The following PIAS2 variants were observed in gnomAD, a reference collection of about 807,000 sequenced individuals.
PIAS2 encodes protein inhibitor of activated STAT 2.
Under a neutral mutation model 69.7 loss-of-function variants are expected in PIAS2, and 19 were observed. That is an observed-to-expected ratio of 0.27 (90% CI 0.19 to 0.40). The LOEUF is 0.40. Among genes scored for constraint, PIAS2 ranks in the 10% least tolerant of loss-of-function variants. PIAS2 has a pLI of 1.00. For synonymous variants in PIAS2, 261 were observed against 263.2 expected, an observed-to-expected ratio of 0.99 and a Z score of 0.08; for missense variants, 624 against 757.0, an observed-to-expected ratio of 0.82 and a Z score of 2.06.
chr18:46,885,520 CAAAAAAAAA>C (rs562180662), intron 2 of PIAS2, among the ~76,000 whole-genome samples: 4 of 112,232 alleles, frequency 3.6e-5, no homozygotes, highest in Admixed American at 9.5e-5. Context: ...GACTCCATCT[CAAAAAAAAA>C]AAAAGAAAAA....
At chr18:46,878,460 A>C (rs976651969) in intron 2 of PIAS2, among the ~76,000 whole-genome samples, 3 of 152,238 alleles carry the variant, frequency 2.0e-5, no homozygotes, top group African/African-American at 7.2e-5. Flanking sequence ...TTAATATTTT[A>C]ATGTGCCTAA....
chr18:46,891,649 T>C (rs1449275295), intron 1 of PIAS2: 1 of 957,580 alleles, frequency 1.0e-6, no homozygotes, highest in East Asian at 1.2e-4. Flanking sequence ...ATACATCTTA[T>C]TTAGCAGTCA....
rs981564061 is a variant in PIAS2 at position 46,846,802 on chromosome 18, G to A, written c.766C>T (p.Arg256Cys). ...PPPKNGIEQKRPGRPLNITSL... is the reference protein window; with the variant it reads ...PPPKNGIEQKCPGRPLNITSL... ...GTAATATTCAAGGGGCGTCCAGGGCGCTTCTGTTCAATCCCATTTTTAGGC... is the reference window on the plus strand; with the variant it reads ...GTAATATTCAAGGGGCGTCCAGGGCACTTCTGTTCAATCCCATTTTTAGGC... Residue 256 changes from arginine to cysteine, a missense_variant, in exon 6 of 14, where the codon CGC (arginine) becomes TGC (cysteine). Coordinates refer to ENST00000585916, the MANE Select transcript of PIAS2 (RefSeq NM_004671.5). The A allele has an allele frequency of 3.1e-6, 5 of 1,611,592 alleles. No homozygotes were observed. Among genetic ancestry groups the A allele is most frequent in the Middle Eastern group, 1.7e-4 (1 of 6,058 alleles).
rs189697578 is a variant in PIAS2 at position 46,903,326 on chromosome 18, T to C, written c.25-12272A>G. The stretch of plus-strand genomic sequence containing the variant: ...AAACACATATCTGACAAAGGACTAC[T>C]ATCTAGGATATACTTAGAACTCTCA... On this transcript the variant is annotated intron_variant, in intron 1 of 13. Coordinates refer to ENST00000585916, the MANE Select transcript of PIAS2 (RefSeq NM_004671.5). 6.6e-5 allele frequency among the ~76,000 whole-genome samples: 10 copies of C among 152,172 alleles called. No individual in the cohort carries two copies. In the East Asian group the frequency reaches 1.9e-3, roughly 29 times the overall value.
At chr18:46,884,644 C>T (rs897257290) in intron 2 of PIAS2, among the ~76,000 whole-genome samples, 1 of 151,130 alleles carries the variant, frequency 6.6e-6, no homozygotes, top group African/African-American at 2.4e-5. Flanking sequence ...TGCCAGGTGC[C>T]GTGGCTCACG....
chr18:46,823,022 G>A (rs1282116135), intron 11 of PIAS2, among the ~76,000 whole-genome samples: 1 of 150,414 alleles, frequency 6.6e-6, no homozygotes, highest in Non-Finnish European at 1.5e-5. Flanking sequence ...AGGATTGCTT[G>A]AGCTGGAAGT....
At chr18:46,871,888 G>A (rs1273103831) in intron 2 of PIAS2, among the ~76,000 whole-genome samples, 1 of 152,046 alleles carries the variant, frequency 6.6e-6, no homozygotes, top group Non-Finnish European at 1.5e-5. Flanking sequence ...CAGTCCAAAC[G>A]GATTTCTCAC....
At chr18:46,856,402 A>G (rs1285294489) in intron 3 of PIAS2, among the ~76,000 whole-genome samples, 1 of 152,136 alleles carries the variant, frequency 6.6e-6, no homozygotes, top group Non-Finnish European at 1.5e-5. Flanking sequence ...GGATTCTAAT[A>G]TAGACCCAGG....
At chr18:46,832,735 A>G (rs1300382323) in intron 9 of PIAS2, among the ~76,000 whole-genome samples, 1 of 151,636 alleles carries the variant, frequency 6.6e-6, no homozygotes, top group Non-Finnish European at 1.5e-5. Flanking sequence ...TACTAAAGAC[A>G]CAAAAAATTA....
intron 1 of PIAS2, among the ~76,000 whole-genome samples, chr18:46,901,689 A>G (rs1217584861): frequency 6.6e-6 from 1 of 152,224 alleles, no homozygotes; most frequent in Non-Finnish European, 1.5e-5. Flanking sequence ...TGATCAAATC[A>G]ATCAATGCGA....
At chr18:46,911,822 G>C (rs1011211803) in intron 1 of PIAS2, among the ~76,000 whole-genome samples, 1 of 152,210 alleles carries the variant, frequency 6.6e-6, no homozygotes, top group Non-Finnish European at 1.5e-5. Context: ...AAGGGAGGGG[G>C]AGTGGATCAC....
chr18:46,857,809 C>T (rs2048061329), intron 3 of PIAS2, among the ~76,000 whole-genome samples: 1 of 152,200 alleles, frequency 6.6e-6, no homozygotes, highest in African/African-American at 2.4e-5. Context: ...CTGCCAATCA[C>T]TGTTCTAGGA....
At chr18:46,860,623 C>G (rs1369334122) in intron 3 of PIAS2, among the ~76,000 whole-genome samples, 4 of 152,136 alleles carry the variant, frequency 2.6e-5, no homozygotes, top group African/African-American at 4.8e-5. Flanking sequence ...ATTACTGTAA[C>G]ACTGGAATAT....
intron 1 of PIAS2, among the ~76,000 whole-genome samples, chr18:46,894,657 C>A (rs2054569297): frequency 6.6e-6 from 1 of 152,032 alleles, no homozygotes. Flanking sequence ...CAACCTTGTT[C>A]CTTTATCAAA....
chr18:46,891,188 C>A (rs2054024256), intron 1 of PIAS2, 134 bp from the exon 2 acceptor site: 1 of 694,286 alleles, frequency 1.4e-6, no homozygotes, highest in East Asian at 2.7e-5. Flanking sequence ...ATTTCACATA[C>A]CACTTAGAAT....
At chr18:46,879,165 C>T (rs1433404029) in intron 2 of PIAS2, among the ~76,000 whole-genome samples, 2 of 152,162 alleles carry the variant, frequency 1.3e-5, no homozygotes, top group East Asian at 1.9e-4. Flanking sequence ...CAATGCTGCA[C>T]TAAAATAAAA....
chr18:46,884,258 TACAG>T (rs1450410238), intron 2 of PIAS2, among the ~76,000 whole-genome samples: 2 of 152,206 alleles, frequency 1.3e-5, no homozygotes, highest in East Asian at 3.9e-4. Context: ...ACAGATAGAA[TACAG>T]ACAAATTTTT....
chr18:46,843,384 T>C lies in PIAS2; in HGVS notation c.1041+670A>G, dbSNP rs2045705310. ...TTAAGTTCTTCTTAACCGGAAAGGG[T>C]TCCCCTCCAATTCATTCACTGCTCC... On this transcript the variant is annotated intron_variant, in intron 8 of 13. Transcript: ENST00000585916. Among the ~76,000 whole-genome samples, 3 of 152,250 alleles carry C rather than the reference T, an allele frequency of 2.0e-5. No individual in the cohort carries two copies. The South Asian group carries it at 6.2e-4, about 32-fold the overall frequency.
At chr18:46,901,235 T>A (rs1024659986) in intron 1 of PIAS2, 1 of 403,660 alleles carries the variant, frequency 2.5e-6, no homozygotes, top group Non-Finnish European at 4.9e-6. Flanking sequence ...CTGACCAACA[T>A]GGAGAACCCC....
Sources: allele counts gnomAD v4.1 joint callset (sites outside exome capture counted in the v4.1 genomes callset), GRCh38; gene constraint gnomAD v4.1.1; transcripts MANE v1.5; gene names NCBI Gene and HGNC (gene_info 2026-07-23, HGNC 2026-07-21).